ZCWPW2: variants seen among roughly 807,000 people sequenced by gnomAD.
The protein encoded by ZCWPW2 is zinc finger CW-type PWWP domain protein 2.
Under a neutral mutation model 46.6 loss-of-function variants are expected in ZCWPW2, and 45 were observed. The observed-to-expected ratio is 0.96, with a 90% CI of 0.76 to 1.24. The LOEUF (loss-of-function observed/expected upper bound fraction) is 1.24, where lower values mean the gene tolerates loss of function less well. Among genes scored for constraint, ZCWPW2 ranks in the 50% most tolerant of loss-of-function variants. The pLI is 0.00. For synonymous variants in ZCWPW2, 152 were observed against 137.1 expected, an observed-to-expected ratio of 1.11 and a Z score of -0.76; for missense variants, 429 against 403.9, an observed-to-expected ratio of 1.06 and a Z score of -0.53.
chr3:28,510,303 A>G (rs1031719716), intron 6 of ZCWPW2, among the ~76,000 whole-genome samples: 1 of 152,122 alleles, frequency 6.6e-6, no homozygotes, highest in African/African-American at 2.4e-5. Flanking sequence ...ATATTGCCCC[A>G]CTGCATGCCT....
intron 3 of ZCWPW2, among the ~76,000 whole-genome samples, chr3:28,416,822 T>C (rs1487218801): frequency 8.7e-6 from 1 of 114,870 alleles, no homozygotes; most frequent in Non-Finnish European, 1.8e-5. Flanking sequence ...GTACGTTTAT[T>C]GATTTTCGTA....
intron 4 of ZCWPW2, among the ~76,000 whole-genome samples, chr3:28,471,284 C>G (rs1041017012): frequency 1.3e-5 from 2 of 152,052 alleles, no homozygotes; most frequent in African/African-American, 4.8e-5. Flanking sequence ...GTACCAAAAC[C>G]AGACAAACAC....
intron 5 of ZCWPW2, among the ~76,000 whole-genome samples, chr3:28,491,782 T>A (rs1424725031): frequency 2.0e-5 from 3 of 152,082 alleles, no homozygotes; most frequent in Non-Finnish European, 4.4e-5. Context: ...TGGAGGCAGC[T>A]GGGATTCAGT....
chr3:28,420,787 G>A (rs769894884), intron 3 of ZCWPW2, among the ~76,000 whole-genome samples: 36 of 151,688 alleles, frequency 2.4e-4, no homozygotes, highest in Admixed American at 3.3e-4. Flanking sequence ...TATGAAATGA[G>A]TTCTTATTTG....
At chr3:28,405,441 A>G (rs540572898) in intron 2 of ZCWPW2, among the ~76,000 whole-genome samples, 6 of 152,252 alleles carry the variant, frequency 3.9e-5, no homozygotes, top group African/African-American at 1.4e-4. Context: ...GCATGCCAGA[A>G]AAAGCGTACA....
chr3:28,351,202 G>A (rs1704536709), intron 1 of ZCWPW2, among the ~76,000 whole-genome samples: 1 of 149,854 alleles, frequency 6.7e-6, no homozygotes, highest in Non-Finnish European at 1.5e-5. Context: ...CTTGACACCA[G>A]GCACTTTAAA....
chr3:28,358,848 A>T (rs1471779466), intron 1 of ZCWPW2, among the ~76,000 whole-genome samples: 1 of 152,088 alleles, frequency 6.6e-6, no homozygotes. Context: ...CCCCCCCAAC[A>T]ATCCTTTTTC....
chr3:28,478,856 C>G lies in ZCWPW2; in HGVS notation c.535C>G (p.Leu179Val). Residue 179 changes from leucine (L) to valine (V), a missense_variant, in exon 5 of 10, where the codon CTA becomes GTA. Coordinates refer to ENST00000383768, the MANE Select transcript of ZCWPW2 (RefSeq NM_001040432.4). ...KNKKKWYKSA[L>V]QEACLLYGYS... Reference sequence around the variant, plus strand: ...TAAAAAGAAGTGGTATAAAAGTGCACTACAAGAAGCATGTCTACTCTATGG... The same window carrying G: ...TAAAAAGAAGTGGTATAAAAGTGCAGTACAAGAAGCATGTCTACTCTATGG... 6.3e-7 allele frequency: 1 copy of G among 1,581,944 alleles called. No homozygotes were observed. Among genetic ancestry groups the G allele is most frequent in the Non-Finnish European group, 8.6e-7 (1 of 1,167,674 alleles).
intron 2 of ZCWPW2, among the ~76,000 whole-genome samples, chr3:28,395,513 C>T (rs959516138): frequency 6.6e-5 from 10 of 152,076 alleles, no homozygotes; most frequent in African/African-American, 2.4e-4. Flanking sequence ...AAACTAATGT[C>T]CATCAACAGA....
intron 2 of ZCWPW2, among the ~76,000 whole-genome samples, chr3:28,406,649 G>T (rs1231627821): frequency 3.3e-5 from 5 of 151,272 alleles, no homozygotes; most frequent in African/African-American, 9.7e-5. Context: ...ACTCCTCTTT[G>T]CTTCCAGGAT....
intron 9 of ZCWPW2, among the ~76,000 whole-genome samples, chr3:28,523,620 A>G (rs934163039): frequency 2.6e-5 from 4 of 152,132 alleles, no homozygotes; most frequent in African/African-American, 9.7e-5. Flanking sequence ...TGTTTTCATC[A>G]TTCATTTCAC....
intron 1 of ZCWPW2, among the ~76,000 whole-genome samples, chr3:28,373,787 C>A (rs1705417535): frequency 6.6e-6 from 1 of 151,966 alleles, no homozygotes; most frequent in South Asian, 2.1e-4. Context: ...ATTTGTATGT[C>A]TTTTAAGAAA....
intron 4 of ZCWPW2, among the ~76,000 whole-genome samples, chr3:28,445,129 T>C (rs1036480118): frequency 6.6e-6 from 1 of 151,438 alleles, no homozygotes; most frequent in Non-Finnish European, 1.5e-5. Context: ...CAGGGTTCTC[T>C]AGAGGGATGG....
chr3:28,438,544 C>T (rs1479611067), intron 4 of ZCWPW2, among the ~76,000 whole-genome samples: 2 of 152,122 alleles, frequency 1.3e-5, no homozygotes, highest in Admixed American at 1.3e-4. Flanking sequence ...ATAACAAAAA[C>T]AGCAAATTGT....
intron 4 of ZCWPW2, among the ~76,000 whole-genome samples, chr3:28,474,254 A>T (rs2125800012): frequency 6.6e-6 from 1 of 152,314 alleles, no homozygotes; most frequent in Non-Finnish European, 1.5e-5. Flanking sequence ...TATATTAAAT[A>T]TATTGCTTGT....
intron 5 of ZCWPW2, among the ~76,000 whole-genome samples, chr3:28,484,857 A>G (rs7652167): frequency 0.18 from 26,639 of 151,762 alleles, 3,152 homozygotes; most frequent in East Asian, 0.63. Context: ...TCAAAGAGCT[A>G]GCTTATGGTT....
At chr3:28,485,098 C>G (rs926109408) in intron 5 of ZCWPW2, among the ~76,000 whole-genome samples, 1 of 150,816 alleles carries the variant, frequency 6.6e-6, no homozygotes, top group African/African-American at 2.4e-5. Flanking sequence ...GTTGCACTTT[C>G]ATTTTCATTG....
rs762441952 is a variant in ZCWPW2 at position 28,521,107 on chromosome 3, G to A, written c.900G>A (p.Met300Ile). The change falls in exon 9 of 10, where the codon ATG (methionine) becomes ATA (isoleucine). Residue 300 changes from methionine (M) to isoleucine (I), a missense_variant. Met to Ile is a conservative substitution (Grantham distance 10). Coordinates refer to ENST00000383768, the MANE Select transcript of ZCWPW2 (RefSeq NM_001040432.4). ...SEEGHGEEIN[M>I]GEKLSKCSPE... Reference sequence around the variant, plus strand: ...AAGGACATGGAGAGGAAATAAATATGGGAGAAAAGGTAATATTGATAGTTA... The same window carrying A: ...AAGGACATGGAGAGGAAATAAATATAGGAGAAAAGGTAATATTGATAGTTA... 6.9e-6 allele frequency: 11 copies of A among 1,600,844 alleles called. No homozygotes were observed. The East Asian group carries it at 2.5e-4, about 36-fold the overall frequency.
intron 2 of ZCWPW2, among the ~76,000 whole-genome samples, chr3:28,397,477 C>T (rs188567980): frequency 2.1e-3 from 323 of 152,252 alleles, no homozygotes; most frequent in African/African-American, 6.9e-3. Context: ...TGAGACCAGC[C>T]TAGCCAACAT....
Sources: gnomAD v4.1 joint callset for allele counts (sites outside exome capture counted in the v4.1 genomes callset) on GRCh38, gnomAD v4.1.1 for gene constraint, MANE v1.5 for transcripts, NCBI Gene and HGNC (gene_info 2026-07-23, HGNC 2026-07-21) for gene names.